The following NCKAP5 variants were observed in gnomAD, a reference collection of about 807,000 sequenced individuals.
The protein encoded by NCKAP5 is nck-associated protein 5.
Under a neutral mutation model 167.0 loss-of-function variants are expected in NCKAP5, and 92 were observed. That is an observed-to-expected ratio of 0.55 (90% CI 0.47 to 0.66). The LOEUF (loss-of-function observed/expected upper bound fraction) is 0.66, where lower values mean the gene tolerates loss of function less well. Among genes scored for constraint, NCKAP5 ranks in the 30% least tolerant of loss-of-function variants. NCKAP5 has a pLI of 0.00. For missense variants in NCKAP5, 2,378 were observed against 2,315.0 expected, an observed-to-expected ratio of 1.03 and a Z score of -0.56; for synonymous variants, 891 against 877.4, an observed-to-expected ratio of 1.02 and a Z score of -0.27.
intron 3 of NCKAP5, among the ~76,000 whole-genome samples, chr2:133,486,338 A>G (rs928585710): frequency 2.6e-5 from 4 of 152,188 alleles, no homozygotes; most frequent in African/African-American, 9.7e-5. Flanking sequence ...TCTTTGTTCA[A>G]TTGCATTTGA....
chr2:133,042,532 T>C (rs1341658521), intron 6 of NCKAP5, among the ~76,000 whole-genome samples: 2 of 152,340 alleles, frequency 1.3e-5, no homozygotes, highest in East Asian at 1.9e-4. Flanking sequence ...AAAATATCTA[T>C]GATAGGTAAT....
At chr2:133,580,967 C>T in the NCKAP5 span, among the ~76,000 whole-genome samples, 2 of 152,014 alleles carry the variant, frequency 1.3e-5, no homozygotes, top group Non-Finnish European at 2.9e-5. Context: ...TTGTTTCTTC[C>T]CTTTTCTTCC....
the NCKAP5 span, among the ~76,000 whole-genome samples, chr2:133,586,331 C>T: frequency 6.6e-6 from 1 of 152,130 alleles, no homozygotes; most frequent in Non-Finnish European, 1.5e-5. Flanking sequence ...CCTTCTGCTT[C>T]CGATTCCTGG....
At chr2:132,963,136 G>A (rs2076566905) in intron 8 of NCKAP5, among the ~76,000 whole-genome samples, 1 of 152,104 alleles carries the variant, frequency 6.6e-6, no homozygotes, top group Non-Finnish European at 1.5e-5. Context: ...AAATAATGTC[G>A]AATGCCACGA....
At chr2:133,078,534 A>G (rs2080690774) in intron 6 of NCKAP5, among the ~76,000 whole-genome samples, 1 of 152,098 alleles carries the variant, frequency 6.6e-6, no homozygotes, top group South Asian at 2.1e-4. Flanking sequence ...AGGAAGGGAA[A>G]TACGGGACTG....
intron 6 of NCKAP5, among the ~76,000 whole-genome samples, chr2:133,091,749 T>C (rs1416058063): frequency 6.6e-6 from 1 of 151,972 alleles, no homozygotes; most frequent in Non-Finnish European, 1.5e-5. Context: ...TAGCCGGGCA[T>C]GGTGGTGGGT....
intron 7 of NCKAP5, among the ~76,000 whole-genome samples, chr2:132,971,583 G>A (rs1440190904): frequency 6.6e-6 from 1 of 152,208 alleles, no homozygotes; most frequent in Admixed American, 6.5e-5. Context: ...ACAGATGTCA[G>A]AAAAACAAGA....
chr2:133,159,689 A>C (rs1182865514), intron 5 of NCKAP5, among the ~76,000 whole-genome samples: 1 of 152,210 alleles, frequency 6.6e-6, no homozygotes, highest in East Asian at 1.9e-4. Flanking sequence ...GTAGTTAGAG[A>C]AGGCTTTATA....
At chr2:132,904,364 TA>T (rs1195922183) in intron 8 of NCKAP5, among the ~76,000 whole-genome samples, 4 of 150,698 alleles carry the variant, frequency 2.7e-5, no homozygotes, top group African/African-American at 9.7e-5. Flanking sequence ...AAAAATTAAA[TA>T]AAAATTAAAA....
chr2:133,651,415 C>A, the NCKAP5 span, among the ~76,000 whole-genome samples: 1 of 152,136 alleles, frequency 6.6e-6, no homozygotes, highest in African/African-American at 2.4e-5. Context: ...TGTTCAACAT[C>A]ACTAATCATC....
At chr2:133,240,452 T>A (rs2087635013) in intron 4 of NCKAP5, among the ~76,000 whole-genome samples, 1 of 152,166 alleles carries the variant, frequency 6.6e-6, no homozygotes, top group African/African-American at 2.4e-5. Flanking sequence ...TGCATGCCCA[T>A]CTCTGATGCC....
At chr2:132,728,508 C>T (rs191065414) in intron 18 of NCKAP5, among the ~76,000 whole-genome samples, 40 of 152,254 alleles carry the variant, frequency 2.6e-4, no homozygotes, top group African/African-American at 7.7e-4. Context: ...ATTCCAATGG[C>T]GCCCACATGG....
At chr2:132,771,973 G>A (rs140660019) in intron 16 of NCKAP5, among the ~76,000 whole-genome samples, 207 of 150,954 alleles carry the variant, frequency 1.4e-3, no homozygotes, top group African/African-American at 4.8e-3. Flanking sequence ...TTACAGGTGT[G>A]AGCCACTGCA....
intron 4 of NCKAP5, among the ~76,000 whole-genome samples, chr2:133,223,272 A>C (rs1214854728): frequency 6.6e-6 from 1 of 152,146 alleles, no homozygotes; most frequent in African/African-American, 2.4e-5. Context: ...GATTCAATTA[A>C]TCATCAACCT....
intron 10 of NCKAP5, among the ~76,000 whole-genome samples, chr2:132,866,686 G>C (rs960936170): frequency 6.6e-6 from 1 of 152,036 alleles, no homozygotes; most frequent in African/African-American, 2.4e-5. Context: ...CAGCAGATTT[G>C]CCTTTGTGTC....
intron 6 of NCKAP5, among the ~76,000 whole-genome samples, chr2:133,071,624 T>A (rs900002912): frequency 6.6e-6 from 1 of 152,250 alleles, no homozygotes; most frequent in African/African-American, 2.4e-5. Context: ...TGAGATTCTC[T>A]GAGTATAGAG....
At chr2:133,030,393 G>T (rs951644335) in intron 6 of NCKAP5, among the ~76,000 whole-genome samples, 1 of 152,184 alleles carries the variant, frequency 6.6e-6, no homozygotes, top group African/African-American at 2.4e-5. Flanking sequence ...ATCTGACCAC[G>T]CCTGCTGGGC....
At chr2:132,824,864 T>C (rs1404866517) in intron 11 of NCKAP5, among the ~76,000 whole-genome samples, 1 of 152,228 alleles carries the variant, frequency 6.6e-6, no homozygotes, top group African/African-American at 2.4e-5. Flanking sequence ...ACAGCAAGAC[T>C]GATGACTCAT....
chr2:132,878,664 ACACACACACACACCGCC>A (rs1447135253), intron 9 of NCKAP5, among the ~76,000 whole-genome samples, 167 bp downstream of exon 9: 7 of 143,940 alleles, frequency 4.9e-5, no homozygotes, highest in Non-Finnish European at 4.6e-5. Flanking sequence ...ACGCACGCAT[ACACACACACACACCGCC>A]CACACACACA....
Sources: gnomAD v4.1 joint callset for allele counts (sites outside exome capture counted in the v4.1 genomes callset) on GRCh38, gnomAD v4.1.1 for gene constraint, MANE v1.5 for transcripts, NCBI Gene and HGNC (gene_info 2026-07-23, HGNC 2026-07-21) for gene names.